The following CHRM2 variants were observed in gnomAD, a reference collection of about 807,000 sequenced individuals.
The protein encoded by CHRM2 is cholinergic receptor muscarinic 2.
Under a neutral mutation model 25.0 loss-of-function variants are expected in CHRM2, and 8 were observed. The observed-to-expected ratio is 0.32, with a 90% CI of 0.19 to 0.58. The LOEUF (loss-of-function observed/expected upper bound fraction) is 0.58, where lower values mean the gene tolerates loss of function less well. CHRM2 is among the 20% of genes least tolerant of loss of function. The pLI, the probability that CHRM2 is intolerant of heterozygous loss-of-function variation, is 0.88. For missense variants in CHRM2, 440 were observed against 567.1 expected (o/e 0.78, Z 2.28); for synonymous variants, 202 against 205.7 (o/e 0.98, Z 0.15).
intron 2 of CHRM2, among the ~76,000 whole-genome samples, chr7:136,900,462 C>A (rs1172553453): frequency 6.6e-6 from 1 of 152,048 alleles, no homozygotes; most frequent in Non-Finnish European, 1.5e-5. Context: ...GCAGCAGCAT[C>A]TGATGGATTT....
At chr7:136,907,600 A>G (rs989150836) in intron 2 of CHRM2, among the ~76,000 whole-genome samples, 1 of 151,884 alleles carries the variant, frequency 6.6e-6, no homozygotes, top group African/African-American at 2.4e-5. Context: ...AAAGTGCCCC[A>G]TTGTGCCTCT....
intron 2 of CHRM2, among the ~76,000 whole-genome samples, chr7:136,973,235 C>T (rs1294735797): frequency 1.2e-5 from 1 of 86,366 alleles, no homozygotes; most frequent in Admixed American, 1.1e-4. Flanking sequence ...ATGATGGTGA[C>T]GGTGTTAGGG....
intron 2 of CHRM2, among the ~76,000 whole-genome samples, chr7:136,909,984 AC>A (rs548787841): frequency 4.7e-5 from 7 of 150,432 alleles, no homozygotes; most frequent in East Asian, 2.0e-4. Flanking sequence ...ATACACATAC[AC>A]CCCCCCCAAC....
intron 2 of CHRM2, among the ~76,000 whole-genome samples, chr7:136,926,701 T>C (rs1003294890): frequency 1.3e-5 from 2 of 152,184 alleles, no homozygotes; most frequent in African/African-American, 4.8e-5. Context: ...TGGAAGAGAA[T>C]TGAGACCCAG....
At chr7:136,989,199 A>G (rs74754858) in intron 2 of CHRM2, among the ~76,000 whole-genome samples, 2,128 of 150,866 alleles carry the variant, frequency 0.014, 37 homozygotes, top group African/African-American at 0.05. Flanking sequence ...TATGTTTGGG[A>G]AAAATCCATG....
In CHRM2 at chr7:136,947,074, C is replaced by T. The variant is rs191351197; in HGVS notation, c.-124-45113C>T. Among the ~76,000 whole-genome samples the T allele has an allele frequency of 9.9e-5, 15 of 152,284 alleles. No individual in the cohort carries two copies. The East Asian group carries it at 2.9e-3, about 29-fold the overall frequency. ...CATTTTATGTTAGCCAAATAGTTTT[C>T]ACTTCTCATCTTCAGTGATAACATC... On this transcript the variant is annotated intron_variant, in intron 2 of 3. Coordinates refer to ENST00000680005, the MANE Select transcript of CHRM2 (RefSeq NM_001006630.2).
chr7:136,889,966 A>T (rs1011002934), intron 2 of CHRM2, among the ~76,000 whole-genome samples: 3 of 152,218 alleles, frequency 2.0e-5, no homozygotes, highest in African/African-American at 7.2e-5. Context: ...TCCAGGGAGG[A>T]ATAGACTTCT....
At chr7:136,892,618 T>A (rs897339153) in intron 2 of CHRM2, among the ~76,000 whole-genome samples, 4 of 151,492 alleles carry the variant, frequency 2.6e-5, no homozygotes, top group Non-Finnish European at 4.4e-5. Context: ...TTGAAAGATA[T>A]CTAAAAATGA....
chr7:136,896,783 G>C (rs1407019149), intron 2 of CHRM2, among the ~76,000 whole-genome samples: 3 of 152,116 alleles, frequency 2.0e-5, no homozygotes, highest in African/African-American at 7.2e-5. Flanking sequence ...GGGTGGTGGA[G>C]ATGTGGCTGC....
chr7:136,878,521 C>T lies in CHRM2; in HGVS notation c.-125+9103C>T, dbSNP rs79427482. Among the ~76,000 whole-genome samples, 1,423 of 151,784 alleles carry T rather than the reference C, an allele frequency of 9.4e-3. 12 individuals carry two copies. The highest frequency in any genetic ancestry group is 0.015 in the Non-Finnish European group (1,029 of 67,808). ...AAGCCTGACTGGATATTTTCCATGG[C>T]TAGTTATATCCTTATCAGGGGAAAT... On this transcript the variant is annotated intron_variant, in intron 2 of 3. Coordinates refer to ENST00000680005, the MANE Select transcript of CHRM2 (RefSeq NM_001006630.2).
Position 137,020,150 on chromosome 7 carries a change from A to G in CHRM2, c.*3884A>G, listed in dbSNP as rs1047744782. 3 of 147,660 alleles carry G rather than the reference A, an allele frequency of 2.0e-5. No homozygotes were observed. The East Asian group carries it at 5.8e-4, about 29-fold the overall frequency. 9.1% of individuals were successfully genotyped at this position (147,660 alleles called of 1,614,324 possible). On this transcript the variant is annotated 3_prime_UTR_variant, in exon 4 of 4. Coordinates refer to ENST00000680005, the MANE Select transcript of CHRM2 (RefSeq NM_001006630.2). ...CATATTTAATGTATCTTCCTGGAAT[A>G]TGCTATGTGCTAAATATATATATAT...
chr7:137,007,864 A>T (rs1322474531), intron 3 of CHRM2, among the ~76,000 whole-genome samples: 1 of 152,122 alleles, frequency 6.6e-6, no homozygotes, highest in Non-Finnish European at 1.5e-5. Flanking sequence ...AGACATCCTT[A>T]AATAAGTCTC....
intron 2 of CHRM2, among the ~76,000 whole-genome samples, chr7:136,874,828 A>G (rs1255365943): frequency 6.6e-6 from 1 of 151,864 alleles, no homozygotes; most frequent in Non-Finnish European, 1.5e-5. Context: ...GTATACAGTT[A>G]TGGCAAAGGG....
intron 2 of CHRM2, among the ~76,000 whole-genome samples, chr7:136,950,271 T>C (rs1800328360): frequency 6.6e-6 from 1 of 152,188 alleles, no homozygotes; most frequent in Non-Finnish European, 1.5e-5. Context: ...CCCTCGTTCC[T>C]CATCAGGACA....
chr7:136,916,295 A>T (rs1798107144), intron 2 of CHRM2, among the ~76,000 whole-genome samples: 2 of 152,020 alleles, frequency 1.3e-5, no homozygotes, highest in South Asian at 4.1e-4. Context: ...CATAAGGATG[A>T]ATACATTTAA....
intron 3 of CHRM2, among the ~76,000 whole-genome samples, chr7:137,000,847 A>T (rs556239336): frequency 6.6e-6 from 1 of 152,114 alleles, no homozygotes; most frequent in African/African-American, 2.4e-5. Flanking sequence ...AGTGATTCAT[A>T]ATTTTCCAAT....
intron 2 of CHRM2, among the ~76,000 whole-genome samples, chr7:136,932,084 GATA>G (rs1799139639): frequency 6.6e-6 from 1 of 152,004 alleles, no homozygotes; most frequent in Non-Finnish European, 1.5e-5. Context: ...GTGGGATAAT[GATA>G]ATAACAAAAA....
chr7:136,944,922 C>CT (rs899642587), intron 2 of CHRM2, among the ~76,000 whole-genome samples: 1 of 151,722 alleles, frequency 6.6e-6, no homozygotes, highest in Non-Finnish European at 1.5e-5. Flanking sequence ...TTTTTTTTAC[C>CT]TTTTTTGATT....
intron 2 of CHRM2, among the ~76,000 whole-genome samples, chr7:136,915,702 A>G (rs1424560101): frequency 6.6e-6 from 1 of 151,896 alleles, no homozygotes; most frequent in African/African-American, 2.4e-5. Context: ...GAAGGCTAAC[A>G]GAAAAATGTC....
Sources: gnomAD v4.1 joint callset for allele counts (sites outside exome capture counted in the v4.1 genomes callset) on GRCh38, gnomAD v4.1.1 for gene constraint, MANE v1.5 for transcripts, NCBI Gene and HGNC (gene_info 2026-07-23, HGNC 2026-07-21) for gene names.